Variants in NFIC observed in about 807,000 individuals in gnomAD.
NFIC encodes the protein nuclear factor 1 C-type.
A neutral mutation model predicts 54.4 loss-of-function variants in NFIC; 12 were observed. The ratio of observed to expected loss-of-function variants is 0.22; its 90% CI spans 0.14 to 0.36. The LOEUF is 0.36. Ranked by LOEUF, NFIC falls within the 10% of genes least tolerant of loss-of-function variation. The pLI is 1.00. For missense variants in NFIC, 575 were observed against 718.2 expected (o/e 0.80, Z 2.28); for synonymous variants, 322 against 319.2 (o/e 1.01, Z -0.09).
chr19:3,389,634 G>C (rs2081348604), intron 2 of NFIC, among the ~76,000 whole-genome samples: 1 of 152,112 alleles, frequency 6.6e-6, no homozygotes, highest in African/African-American at 2.4e-5. Context: ...TGTGCCCATT[G>C]CATTAAAGAT....
At chr19:3,449,253 T>A in intron 7 of NFIC, 114 bp downstream of exon 7, 2 of 1,427,038 alleles carry the variant, frequency 1.4e-6, no homozygotes, top group Middle Eastern at 2.3e-4. Flanking sequence ...TGTAGCCTTC[T>A]AGGTGGGCAA....
chr19:3,439,335 A>T (rs76141253), intron 6 of NFIC, among the ~76,000 whole-genome samples: 1 of 27,454 alleles, frequency 3.6e-5, no homozygotes, highest in Admixed American at 5.1e-4. Flanking sequence ...CCCTGTCTCA[A>T]AAAAAAAAAA....
At chr19:3,403,535 C>T (rs76076509) in intron 2 of NFIC, among the ~76,000 whole-genome samples, 24,878 of 152,174 alleles carry the variant, frequency 0.16, 2,768 homozygotes, top group East Asian at 0.4. Flanking sequence ...GGAGTCTATT[C>T]TCCTGACCCC....
intron 7 of NFIC, among the ~76,000 whole-genome samples, chr19:3,450,214 A>G (rs962462741): frequency 5.9e-5 from 9 of 151,826 alleles, no homozygotes; most frequent in African/African-American, 1.2e-4. Context: ...GCGTGGTGGC[A>G]GGCGCCTGTA....
intron 3 of NFIC, among the ~76,000 whole-genome samples, chr19:3,425,924 T>C: frequency 9.3e-5 from 1 of 10,742 alleles, no homozygotes; most frequent in South Asian, 2.8e-3. Context: ...CTGGCTTTTT[T>C]TTTTTTTTTT....
At chr19:3,409,726 A>G (rs1354335903) in intron 2 of NFIC, among the ~76,000 whole-genome samples, 2 of 152,216 alleles carry the variant, frequency 1.3e-5, no homozygotes, top group African/African-American at 2.4e-5. Context: ...TTGGGCTCAC[A>G]GCCACGGACA....
rs529875741 is a variant in NFIC, at chr19:3,407,480, G to A, written c.563-17626G>A. ...AGATGGAGTCTCGCTCTGTCACCCAGGCTGGAGTCACTGGTGCAATCTTGG... is the reference window on the plus strand; with the variant it reads ...AGATGGAGTCTCGCTCTGTCACCCAAGCTGGAGTCACTGGTGCAATCTTGG... On this transcript the variant is annotated intron_variant, in intron 2 of 10. Coordinates refer to ENST00000443272, the MANE Select transcript of NFIC (RefSeq NM_001245002.2). Among the ~76,000 whole-genome samples, 198 of 151,360 alleles carry A rather than the reference G, an allele frequency of 1.3e-3. 1 individual carries two copies. Among genetic ancestry groups the A allele is most frequent in the African/African-American group, 4.5e-3 (187 of 41,186 alleles).
intron 1 of NFIC, among the ~76,000 whole-genome samples, chr19:3,380,040 G>A (rs528034659): frequency 5.3e-5 from 8 of 150,588 alleles, no homozygotes; most frequent in Non-Finnish European, 8.9e-5. Context: ...TTGCTCTGTC[G>A]CCCAGGCTGG....
chr19:3,381,395 C>CAAAAAAA lies in NFIC; in HGVS notation c.31-303_31-297dup, dbSNP rs71164686. 7.8e-3 allele frequency among the ~76,000 whole-genome samples: 785 copies of CAAAAAAA among 100,848 alleles called. 14 individuals are homozygous for CAAAAAAA. Among genetic ancestry groups the CAAAAAAA allele is most frequent in the African/African-American group, 0.02 (530 of 27,046 alleles). The allele number at this position is 100,848 out of a possible 152,430, so 66.2% of individuals were successfully genotyped here. On this transcript the variant is annotated intron_variant, in intron 1 of 10. Coordinates refer to ENST00000443272, the MANE Select transcript of NFIC (RefSeq NM_001245002.2). ...TAGCGTTAAGAGCAAGACTCCGTCT[C>CAAAAAAA]AAAAAAAAAAAAAAAAAAAATGATC...
chr19:3,397,660 G>T (rs143010901), intron 2 of NFIC, among the ~76,000 whole-genome samples: 1 of 152,134 alleles, frequency 6.6e-6, no homozygotes, highest in Non-Finnish European at 1.5e-5. Flanking sequence ...CCACCCAGTG[G>T]GCTGCCCGGA....
chr19:3,363,241 GTATATATATA>G (rs1555736643), upstream of NFIC, among the ~76,000 whole-genome samples: 79 of 77,034 alleles, frequency 1.0e-3, 1 homozygote, highest in Middle Eastern at 6.0e-3. Context: ...GTATGTGTGT[GTATATATATA>G]TATATATATA....
chr19:3,429,023 G>A (rs1397551565), intron 3 of NFIC, among the ~76,000 whole-genome samples: 2 of 151,724 alleles, frequency 1.3e-5, no homozygotes, highest in African/African-American at 4.8e-5. Flanking sequence ...GGTGGCTCAC[G>A]CCTGCAATCC....
intron 6 of NFIC, among the ~76,000 whole-genome samples, chr19:3,443,761 T>C (rs2082328396): frequency 6.6e-6 from 1 of 152,130 alleles, no homozygotes; most frequent in African/African-American, 2.4e-5. Context: ...AGGGTGGTCC[T>C]GGCATGGATT....
chr19:3,364,169 A>AG (rs374564913), upstream of NFIC, among the ~76,000 whole-genome samples: 37 of 152,152 alleles, frequency 2.4e-4, no homozygotes, highest in African/African-American at 8.7e-4. Flanking sequence ...GAAAAAAAAA[A>AG]AAAATGAGCC....
chr19:3,396,088 C>T (rs1599608418), intron 2 of NFIC, among the ~76,000 whole-genome samples: 1 of 152,086 alleles, frequency 6.6e-6, no homozygotes, highest in South Asian at 2.1e-4. Flanking sequence ...GGTATTTGGG[C>T]GCAAGGAGAG....
intron 1 of NFIC, 50 bp from the exon 2 acceptor site, chr19:3,381,662 C>G (rs368097325): frequency 3.9e-5 from 62 of 1,587,182 alleles, no homozygotes; most frequent in Non-Finnish European, 5.3e-5. Context: ...GCAGTGGGTC[C>G]GCCCTCTGCG....
chr19:3,386,690 C>G (rs576010376), intron 2 of NFIC, among the ~76,000 whole-genome samples: 1 of 152,328 alleles, frequency 6.6e-6, no homozygotes, highest in Non-Finnish European at 1.5e-5. Context: ...CGTGGTCACA[C>G]AGCCGAGACT....
chr19:3,423,517 T>C (rs1480468270), intron 2 of NFIC, among the ~76,000 whole-genome samples: 1 of 147,612 alleles, frequency 6.8e-6, no homozygotes, highest in East Asian at 2.1e-4. Flanking sequence ...GGGTGATCCA[T>C]GGGTGGGGCT....
chr19:3,368,058 A>G (rs1333484643), intron 1 of NFIC, among the ~76,000 whole-genome samples: 1 of 118,416 alleles, frequency 8.4e-6, no homozygotes, highest in African/African-American at 3.0e-5. Flanking sequence ...TCCCTTTCTG[A>G]GCAGCTTTGG....
Sources: allele counts gnomAD v4.1 joint callset (sites outside exome capture counted in the v4.1 genomes callset), GRCh38; gene constraint gnomAD v4.1.1; transcripts MANE v1.5; gene names NCBI Gene and HGNC (gene_info 2026-07-23, HGNC 2026-07-21).